ZPBP2: variants seen among roughly 807,000 people sequenced by gnomAD.
ZPBP2 encodes zona pellucida binding protein 2.
In ZPBP2, 34 loss-of-function variants were observed where a neutral mutation model predicts 37.5. That is an observed-to-expected ratio of 0.91 (90% confidence interval 0.69 to 1.21). The LOEUF (loss-of-function observed/expected upper bound fraction) is 1.21. Among genes scored for constraint, ZPBP2 ranks in the 50% most tolerant of loss-of-function variants. ZPBP2 has a pLI of 0.00. For synonymous variants in ZPBP2, 143 were observed against 138.4 expected (o/e 1.03, Z -0.23); for missense variants, 397 against 413.5 (o/e 0.96, Z 0.35).
Position 39,873,134 on chromosome 17 carries a change from T to C in ZPBP2, c.708+8T>C. 2 of 1,603,378 alleles carry C rather than the reference T, an allele frequency of 1.2e-6. No homozygotes were observed. Among genetic ancestry groups the C allele is most frequent in the Non-Finnish European group, 1.7e-6 (2 of 1,176,170 alleles). On this transcript the variant is annotated splice_region_variant and intron_variant, in intron 6 of 7. Transcript: ENST00000348931. ...AATCATAATATCCTCCAGGTGAGAA[T>C]TTCATGGTAAGGAAGAAGTATTTGT...
chr17:39,869,272 T>TC (rs1369134419), intron 2 of ZPBP2, among the ~76,000 whole-genome samples: 6 of 152,138 alleles, frequency 3.9e-5, no homozygotes. Context: ...CAAGAAGTAA[T>TC]CACACATCTT....
rs2144648019 is a variant in ZPBP2, at chr17:39,876,926, C to T, written c.*117C>T. 1.5e-6 allele frequency: 2 copies of T among 1,325,960 alleles called. No individual in the cohort carries two copies. The highest frequency in any genetic ancestry group is 2.8e-5 in the South Asian group (2 of 72,130). 82.1% of individuals were successfully genotyped at this position (1,325,960 alleles called of 1,614,324 possible). On this transcript the variant is annotated 3_prime_UTR_variant, in exon 8 of 8. Transcript: ENST00000348931. ...TCAGTAAGACCAAACCACTGGAAAA[C>T]ATGCATTTTGGAAACTTTAAAATAA...
At chr17:39,871,669 C>T (rs750199403) in intron 4 of ZPBP2, 44 bp downstream of exon 4, 21 of 1,427,584 alleles carry the variant, frequency 1.5e-5, no homozygotes, top group South Asian at 7.8e-5. Context: ...TAGTTTGGAT[C>T]GTAATTAAGT....
chr17:39,876,954 G>T lies in ZPBP2; in HGVS notation c.*145G>T. The stretch of plus-strand genomic sequence containing the variant: ...GCATTTTGGAAACTTTAAAATAAAT[G>T]GTTAACATGGCATTTCTAAGAAGGC... On this transcript the variant is annotated 3_prime_UTR_variant, in exon 8 of 8. Transcript: ENST00000348931. 2 of 965,248 alleles carry T rather than the reference G, an allele frequency of 2.1e-6. No homozygotes were observed. The highest frequency in any genetic ancestry group is 3.0e-6 in the Non-Finnish European group (2 of 658,140). The allele number at this position is 965,248 out of a possible 1,614,324, so 59.8% of individuals were successfully genotyped here.
At chr17:39,875,130 T>C in intron 6 of ZPBP2, 124 bp from the exon 7 acceptor site, 1 of 872,802 alleles carries the variant, frequency 1.1e-6, no homozygotes, top group Non-Finnish European at 1.7e-6. Flanking sequence ...AACACACACC[T>C]TTTCAGGAAT....
chr17:39,875,038 C>T (rs1050047406), intron 6 of ZPBP2, among the ~76,000 whole-genome samples: 7 of 152,212 alleles, frequency 4.6e-5, no homozygotes, highest in South Asian at 2.1e-4. Context: ...CATGAGCCAC[C>T]GCTCCCAGCC....
chr17:39,874,698 G>A (rs542975117), intron 6 of ZPBP2, among the ~76,000 whole-genome samples: 1 of 152,150 alleles, frequency 6.6e-6, no homozygotes. Context: ...CTCCCAAAGT[G>A]CTGGGATCAC....
intron 6 of ZPBP2, among the ~76,000 whole-genome samples, chr17:39,874,272 T>C (rs1214910042): frequency 1.6e-4 from 24 of 148,584 alleles, no homozygotes; most frequent in East Asian, 8.1e-4. Flanking sequence ...GGATCACAGG[T>C]GTGAGCCACC....
Position 39,876,808 on chromosome 17 carries a change from A to G in ZPBP2, c.1016A>G (p.Ter339TrpextTer2), listed in dbSNP as rs1402731064. The G allele has an allele frequency of 1.6e-5, 26 of 1,613,368 alleles. No individual in the cohort carries two copies. Among genetic ancestry groups the G allele is most frequent in the Non-Finnish European group, 2.0e-5 (24 of 1,179,588 alleles). ...TSNKNQQYED* is the reference protein window; with the variant it reads ...TSNKNQQYEDW ...AACAAAAATCAGCAATATGAAGATT[A>G]GAGGTGAAAGCATTGTTACTTACTT... The change falls in exon 8 of 8, where the codon TAG (stop) becomes TGG (tryptophan). Residue 339 changes from the stop codon to tryptophan, a stop_lost. Transcript: ENST00000348931.
intron 7 of ZPBP2, 86 bp downstream of exon 7, chr17:39,875,520 A>C: frequency 1.0e-6 from 1 of 989,620 alleles, no homozygotes; most frequent in Non-Finnish European, 1.4e-6. Flanking sequence ...ACTGAATAGA[A>C]TCTTTACAGT....
rs1206485974 is a variant in ZPBP2 at position 39,877,537 on chromosome 17, T to C, written c.*728T>C. The C allele has an allele frequency of 6.6e-6, 1 of 152,140 alleles. No individual in the cohort carries two copies. Among genetic ancestry groups the C allele is most frequent in the Non-Finnish European group, 1.5e-5 (1 of 68,026 alleles). 9.4% of individuals were successfully genotyped at this position (152,140 alleles called of 1,614,324 possible). ...AATTCATAATGGCATGTGTGCACCA[T>C]TGCAGTCTCATACAGAATAGTTTCA... On this transcript the variant is annotated 3_prime_UTR_variant, in exon 8 of 8. Coordinates refer to ENST00000348931, the MANE Select transcript of ZPBP2 (RefSeq NM_199321.3).
At chr17:39,869,526 T>C (rs1421455412) in intron 2 of ZPBP2, among the ~76,000 whole-genome samples, 2 of 147,626 alleles carry the variant, frequency 1.4e-5, no homozygotes, top group East Asian at 4.2e-4. Context: ...TGCCTCAGCC[T>C]CCCTAGTGGC....
intron 5 of ZPBP2, among the ~76,000 whole-genome samples, 183 bp from the exon 6 acceptor site, chr17:39,872,861 C>G (rs1019670825): frequency 1.3e-5 from 2 of 152,184 alleles, no homozygotes; most frequent in African/African-American, 4.8e-5. Flanking sequence ...CATTAGCCCC[C>G]AGATGCAGTG....
chr17:39,876,602 T>C lies in ZPBP2; in HGVS notation c.890-80T>C, dbSNP rs138067446. The stretch of plus-strand genomic sequence containing the variant: ...TATGATATTAAAGGCAGATTTATAT[T>C]GTTGGTATAGAATACCTCCAAGTAG... On this transcript the variant is annotated intron_variant, in intron 7 of 7. Coordinates refer to ENST00000348931, the MANE Select transcript of ZPBP2 (RefSeq NM_199321.3). The C allele has an allele frequency of 1.5e-5, 23 of 1,502,710 alleles. No individual in the cohort carries two copies. The African/African-American group carries it at 2.4e-4, about 15-fold the overall frequency. 93.1% of individuals were successfully genotyped at this position (1,502,710 alleles called of 1,614,324 possible).
At chr17:39,871,979 C>G (rs1480022322) in intron 4 of ZPBP2, among the ~76,000 whole-genome samples, 1 of 152,094 alleles carries the variant, frequency 6.6e-6, no homozygotes, top group Non-Finnish European at 1.5e-5. Context: ...AATTAAGGCC[C>G]TCCCCAAAAA....
rs891371624 is a variant in ZPBP2 at position 39,877,420 on chromosome 17, A to G, written c.*611A>G. 6.6e-6 allele frequency: 1 copy of G among 152,208 alleles called. No homozygotes were observed. Among genetic ancestry groups the G allele is most frequent in the African/African-American group, 2.4e-5 (1 of 41,452 alleles). The allele number at this position is 152,208 out of a possible 1,614,324, so 9.4% of individuals were successfully genotyped here. On this transcript the variant is annotated 3_prime_UTR_variant, in exon 8 of 8. Transcript: ENST00000348931. The stretch of plus-strand genomic sequence containing the variant: ...GGTGCATTAGTGTGGCACATTTGTT[A>G]CAAATGATGAACCAATATTAATTTA...
intron 6 of ZPBP2, among the ~76,000 whole-genome samples, chr17:39,874,100 C>G (rs1404644503): frequency 6.6e-6 from 1 of 151,212 alleles, no homozygotes; most frequent in Non-Finnish European, 1.5e-5. Flanking sequence ...ATTCTCCTGC[C>G]TCAGCCTCCC....
At chr17:39,872,161 T>G in intron 4 of ZPBP2, 109 bp from the exon 5 acceptor site, 1 of 772,096 alleles carries the variant, frequency 1.3e-6, no homozygotes, top group Non-Finnish European at 2.0e-6. Flanking sequence ...CTATGCTGAC[T>G]GCAAGATTGA....
At chr17:39,875,883 CTTTTTTTTTTTT>C (rs34192567) in intron 7 of ZPBP2, among the ~76,000 whole-genome samples, 43 of 63,774 alleles carry the variant, frequency 6.7e-4, no homozygotes, top group Admixed American at 3.4e-3. Flanking sequence ...TGCTTGGCCC[CTTTTTTTTTTTT>C]TTTTTTTTTT....
Sources: gnomAD v4.1 joint callset for allele counts (sites outside exome capture counted in the v4.1 genomes callset) on GRCh38, gnomAD v4.1.1 for gene constraint, MANE v1.5 for transcripts, NCBI Gene and HGNC (gene_info 2026-07-23, HGNC 2026-07-21) for gene names.